HTR2C: variants seen among roughly 807,000 people sequenced by gnomAD.
HTR2C encodes 5-hydroxytryptamine (serotonin) receptor 2C, G protein-coupled.
Under a neutral mutation model 21.0 loss-of-function variants are expected in HTR2C, and 5 were observed. The observed-to-expected ratio is 0.24, with a 90% CI of 0.12 to 0.50. HTR2C has a LOEUF of 0.50. Among genes scored for constraint, HTR2C ranks in the 20% least tolerant of loss-of-function variants. The pLI, the probability that HTR2C is intolerant of heterozygous loss-of-function variation, is 0.98. For synonymous variants in HTR2C, 150 were observed against 145.3 expected (o/e 1.03, Z -0.23); for missense variants, 271 against 371.2 (o/e 0.73, Z 2.22).
chrX:114,762,141 G>T (rs1202393310), intron 4 of HTR2C, among the ~76,000 whole-genome samples: 1 of 108,439 alleles, frequency 9.2e-6, no homozygotes, highest in Non-Finnish European at 1.9e-5. Context: ...AATCTTTCTG[G>T]ATTTTGTAAT....
chrX:114,653,656 C>A (rs985591811), intron 2 of HTR2C, among the ~76,000 whole-genome samples: 1 of 110,550 alleles, frequency 9.0e-6, no homozygotes, highest in African/African-American at 3.3e-5. Context: ...CCTCCTGTTT[C>A]TCCTTGTTCA....
At chrX:114,747,787 A>G (rs782522713) in intron 4 of HTR2C, among the ~76,000 whole-genome samples, 4 of 112,547 alleles carry the variant, frequency 3.6e-5, no homozygotes, top group East Asian at 2.8e-4. Flanking sequence ...CCCACATCCA[A>G]TGTGGGTCCC....
chrX:114,827,481 AG>A (rs1277717942), intron 4 of HTR2C, among the ~76,000 whole-genome samples: 1 of 111,400 alleles, frequency 9.0e-6, no homozygotes, highest in African/African-American at 3.3e-5. Context: ...TGTATTTTAA[AG>A]ACTTAAGAAA....
chrX:114,725,529 C>T (rs1306419821), intron 2 of HTR2C, among the ~76,000 whole-genome samples: 15 of 112,430 alleles, frequency 1.3e-4, no homozygotes, highest in Admixed American at 1.3e-3. Context: ...CAAAGTCATT[C>T]TCCATCCAGC....
At chrX:114,734,631 A>G (rs1409460087) in intron 4 of HTR2C, among the ~76,000 whole-genome samples, 1 of 107,424 alleles carries the variant, frequency 9.3e-6, no homozygotes, top group Non-Finnish European at 1.9e-5. Context: ...CTATCAAAAC[A>G]CAACCATTTA....
intron 2 of HTR2C, among the ~76,000 whole-genome samples, chrX:114,719,117 A>T (rs1933102238): frequency 9.3e-6 from 1 of 107,149 alleles, no homozygotes; most frequent in Non-Finnish European, 1.9e-5. Context: ...AAATATTATA[A>T]AATCTCATTA....
At chrX:114,875,657 C>G in intron 5 of HTR2C, among the ~76,000 whole-genome samples, 1 of 110,592 alleles carries the variant, frequency 9.0e-6, no homozygotes, top group Admixed American at 9.7e-5. Context: ...AAGAGAGAAC[C>G]CTGTCCCCAT....
At chrX:114,789,822 G>A (rs989677257) in intron 4 of HTR2C, among the ~76,000 whole-genome samples, 2 of 111,353 alleles carry the variant, frequency 1.8e-5, no homozygotes, top group Non-Finnish European at 1.9e-5. Flanking sequence ...GGCACCTTAG[G>A]TATGGGATAT....
chrX:114,808,318 T>A (rs977858634), intron 4 of HTR2C, among the ~76,000 whole-genome samples: 1 of 111,945 alleles, frequency 8.9e-6, no homozygotes, highest in Admixed American at 9.5e-5. Context: ...TTTTTATGGC[T>A]GAATATACTC....
At chrX:114,651,861 A>G (rs1365327730) in intron 2 of HTR2C, among the ~76,000 whole-genome samples, 4 of 112,009 alleles carry the variant, frequency 3.6e-5, no homozygotes, top group Non-Finnish European at 7.5e-5. Context: ...AGTCAAAGTT[A>G]GCTTTCAGTA....
chrX:114,727,105 G>T (rs1356405737), intron 3 of HTR2C, 134 bp downstream of exon 3: 2 of 385,633 alleles, frequency 5.2e-6, no homozygotes, highest in Non-Finnish European at 8.5e-6. Context: ...CTTCCCAAAA[G>T]ACTAATATTA....
At chrX:114,775,561 A>G in intron 4 of HTR2C, 1 of 497,174 alleles carries the variant, frequency 2.0e-6, no homozygotes, top group South Asian at 2.5e-5. Flanking sequence ...TCATGACTCC[A>G]CCAGCAAGTT....
At chrX:114,646,004 T>C (rs1357081835) in intron 2 of HTR2C, among the ~76,000 whole-genome samples, 2 of 111,993 alleles carry the variant, frequency 1.8e-5, no homozygotes, top group Non-Finnish European at 3.8e-5. Context: ...TCTAAGGATT[T>C]TTGTACTTGA....
chrX:114,891,627 G>C lies in HTR2C; in HGVS notation c.551-14962G>C, dbSNP rs782414456. Among the ~76,000 whole-genome samples the C allele has an allele frequency of 6.4e-5, 7 of 110,064 alleles. No individual in the cohort carries two copies. In the South Asian group the frequency reaches 2.0e-3, roughly 31 times the overall value. ...TTGTAATGAGATTTAGGATAGGTTGGAGAATGCATTCAATCAAAGACACAA... is the reference window on the plus strand; with the variant it reads ...TTGTAATGAGATTTAGGATAGGTTGCAGAATGCATTCAATCAAAGACACAA... On this transcript the variant is annotated intron_variant, in intron 5 of 5. Coordinates refer to ENST00000276198, the MANE Select transcript of HTR2C (RefSeq NM_000868.4).
At chrX:114,836,885 A>C (rs2070791628) in intron 4 of HTR2C, among the ~76,000 whole-genome samples, 2 of 111,933 alleles carry the variant, frequency 1.8e-5, no homozygotes. Context: ...TTATGTACAC[A>C]ATCATGTTTT....
At chrX:114,840,019 A>G (rs782420275) in intron 4 of HTR2C, among the ~76,000 whole-genome samples, 1 of 111,194 alleles carries the variant, frequency 9.0e-6, no homozygotes, top group Non-Finnish European at 1.9e-5. Flanking sequence ...AAACAAAAAC[A>G]CCAATACTCT....
At chrX:114,806,743 T>G (rs1442049072) in intron 4 of HTR2C, among the ~76,000 whole-genome samples, 1 of 80,275 alleles carries the variant, frequency 1.2e-5, no homozygotes, top group Non-Finnish European at 2.4e-5. Context: ...ATACACACCA[T>G]ATATATACAC....
intron 1 of HTR2C, among the ~76,000 whole-genome samples, chrX:114,608,740 A>C (rs1198296692): frequency 8.9e-6 from 1 of 111,795 alleles, no homozygotes; most frequent in African/African-American, 3.2e-5. Context: ...GTCATCCTCC[A>C]AGTACTCCTC....
At chrX:114,703,582 G>C (rs1569485385) in intron 2 of HTR2C, among the ~76,000 whole-genome samples, 1 of 111,836 alleles carries the variant, frequency 8.9e-6, no homozygotes, top group Non-Finnish European at 1.9e-5. Context: ...GAAATTTATA[G>C]CACTAAATGC....
Sources: allele counts gnomAD v4.1 joint callset (sites outside exome capture counted in the v4.1 genomes callset), GRCh38; gene constraint gnomAD v4.1.1; transcripts MANE v1.5; gene names NCBI Gene and HGNC (gene_info 2026-07-23, HGNC 2026-07-21).